Variants in SEC23IP observed in about 807,000 individuals in gnomAD.
SEC23IP encodes the protein SEC23 interacting protein, also known as SEC23-interacting protein.
In SEC23IP, 70 loss-of-function variants were observed where a neutral mutation model predicts 113.4. The ratio of observed to expected loss-of-function variants is 0.62; its 90% confidence interval spans 0.51 to 0.75. The LOEUF (loss-of-function observed/expected upper bound fraction) is 0.75. SEC23IP is among the 30% of genes least tolerant of loss of function. The pLI, the probability that SEC23IP is intolerant of heterozygous loss-of-function variation, is 0.00. For synonymous variants in SEC23IP, 398 were observed against 421.0 expected, an observed-to-expected ratio of 0.95 and a Z score of 0.67; for missense variants, 1,160 against 1,204.9, an observed-to-expected ratio of 0.96 and a Z score of 0.55.
At chr10:119,940,106 G>A (rs1855917002) in intron 18 of SEC23IP, among the ~76,000 whole-genome samples, 1 of 152,104 alleles carries the variant, frequency 6.6e-6, no homozygotes, top group African/African-American at 2.4e-5. Context: ...CCCTTTGGAA[G>A]GCCTGAGGAC....
intron 4 of SEC23IP, 64 bp downstream of exon 4, chr10:119,904,341 G>C (rs762388064): frequency 7.3e-7 from 1 of 1,373,174 alleles, no homozygotes. Context: ...ACATTGGTGA[G>C]TAACATCATT....
chr10:119,898,883 C>T lies in SEC23IP; in HGVS notation c.620C>T (p.Pro207Leu). ...APPQLQQCQT[P>L]GPPAHPPPSG... ...CCCCAGCTGCAGCAGTGCCAAACAC[C>T]AGGCCCTCCTGCTCATCCTCCACCT... Residue 207 changes from proline to leucine, a missense_variant, in exon 2 of 19, where the codon CCA becomes CTA. By Grantham distance (98) the Pro-to-Leu change is moderately conservative. Coordinates refer to ENST00000369075, the MANE Select transcript of SEC23IP (RefSeq NM_007190.4). The T allele has an allele frequency of 6.2e-7, 1 of 1,607,516 alleles. No individual in the cohort carries two copies. The highest frequency in any genetic ancestry group is 8.5e-7 in the Non-Finnish European group (1 of 1,179,944).
At chr10:119,923,616 T>C (rs1176367998) in intron 12 of SEC23IP, among the ~76,000 whole-genome samples, 1 of 150,274 alleles carries the variant, frequency 6.7e-6, no homozygotes, top group African/African-American at 2.4e-5. Flanking sequence ...TGGCACGATC[T>C]CGGCTCACTG....
intron 18 of SEC23IP, among the ~76,000 whole-genome samples, chr10:119,935,956 A>G (rs906900402): frequency 2.0e-5 from 3 of 152,212 alleles, no homozygotes; most frequent in African/African-American, 7.2e-5. Flanking sequence ...TAGGTATTCC[A>G]TTGACTATTG....
intron 1 of SEC23IP, among the ~76,000 whole-genome samples, chr10:119,897,385 A>C (rs1463872293): frequency 6.6e-6 from 1 of 152,232 alleles, no homozygotes; most frequent in Non-Finnish European, 1.5e-5. Flanking sequence ...ACCCACAGTG[A>C]ACATCAAGTT....
chr10:119,899,547 A>C (rs900213548), intron 2 of SEC23IP, among the ~76,000 whole-genome samples: 1 of 152,232 alleles, frequency 6.6e-6, no homozygotes, highest in Non-Finnish European at 1.5e-5. Context: ...ATTAAAAAGA[A>C]TTAAGAACCC....
chr10:119,906,966 GT>G lies in SEC23IP; in HGVS notation c.1102-2061del, dbSNP rs575382708. Among the ~76,000 whole-genome samples, 775 of 143,502 alleles carry G rather than the reference GT, an allele frequency of 5.4e-3. 4 individuals carry two copies. The highest frequency in any genetic ancestry group is 0.016 in the African/African-American group (635 of 39,466). 94.1% of individuals were successfully genotyped at this position (143,502 alleles called of 152,430 possible). ...TTAGAAATTATGAATTATATTTGAAGTTTTTTTTTTTTTTAAATCGAAGAGG... is the reference window on the plus strand; with the variant it reads ...TTAGAAATTATGAATTATATTTGAAGTTTTTTTTTTTTTAAATCGAAGAGG... On this transcript the variant is annotated intron_variant, in intron 4 of 18. Coordinates refer to ENST00000369075, the MANE Select transcript of SEC23IP (RefSeq NM_007190.4).
Position 119,898,780 on chromosome 10 carries a change from C to A in SEC23IP, c.517C>A (p.Gln173Lys). Reference protein sequence around the residue: ...LPPSYFGNQPQGIPQPGYNPY... With the variant: ...LPPSYFGNQPKGIPQPGYNPY... Reference sequence around the variant, plus strand: ...TCCTTCATATTTTGGGAACCAACCCCAAGGAATTCCCCAACCAGGATACAA... The same window carrying A: ...TCCTTCATATTTTGGGAACCAACCCAAAGGAATTCCCCAACCAGGATACAA... The change falls in exon 2 of 19, where the codon CAA (glutamine) becomes AAA (lysine). Residue 173 changes from glutamine to lysine, a missense_variant. Gln to Lys is a moderately conservative substitution (Grantham distance 53). Transcript: ENST00000369075. 1 of 1,614,172 alleles carries A rather than the reference C, an allele frequency of 6.2e-7. No individual in the cohort carries two copies. The highest frequency in any genetic ancestry group is 8.5e-7 in the Non-Finnish European group (1 of 1,180,032).
intron 12 of SEC23IP, among the ~76,000 whole-genome samples, chr10:119,923,566 T>G (rs1172555820): frequency 2.6e-5 from 4 of 152,028 alleles, no homozygotes; most frequent in Admixed American, 2.6e-4. Flanking sequence ...TTTTTTTTTT[T>G]GAAAGGGAGT....
intron 12 of SEC23IP, among the ~76,000 whole-genome samples, 174 bp from the exon 13 acceptor site, chr10:119,925,862 C>T (rs567054725): frequency 5.9e-5 from 9 of 152,242 alleles, no homozygotes; most frequent in Admixed American, 2.6e-4. Flanking sequence ...TTTAAATTAG[C>T]TGAAGCAAAA....
Position 119,900,385 on chromosome 10 carries a change from C to G in SEC23IP, c.696+1426C>G, listed in dbSNP as rs866773636. ...AGTGCAGTGGCATGGTAACGGCTCA[C>G]TGTAGCCTCGAATTCTCAGGTTCAA... is the stretch of plus-strand genomic sequence containing the variant. On this transcript the variant is annotated intron_variant, in intron 2 of 18. Transcript: ENST00000369075. Among the ~76,000 whole-genome samples, 60 of 151,864 alleles carry G rather than the reference C, an allele frequency of 4.0e-4. No individual in the cohort carries two copies. In the Middle Eastern group the frequency reaches 0.01, roughly 26 times the overall value.
intron 2 of SEC23IP, among the ~76,000 whole-genome samples, chr10:119,899,324 TCAA>T (rs1854400587): frequency 1.3e-5 from 2 of 152,184 alleles, no homozygotes; most frequent in South Asian, 4.1e-4. Flanking sequence ...CACTAGTCAA[TCAA>T]AACACTCAAT....
At chr10:119,903,506 A>G (rs1345981145) in intron 3 of SEC23IP, among the ~76,000 whole-genome samples, 1 of 152,186 alleles carries the variant, frequency 6.6e-6, no homozygotes, top group African/African-American at 2.4e-5. Flanking sequence ...ATATTATTAT[A>G]TCACTGTATT....
chr10:119,894,542 G>A (rs990545645), intron 1 of SEC23IP, among the ~76,000 whole-genome samples: 2 of 152,182 alleles, frequency 1.3e-5, no homozygotes, highest in Non-Finnish European at 2.9e-5. Flanking sequence ...AATGGTGTGT[G>A]GTATTTAGTA....
At chr10:119,925,002 C>T (rs2134511380) in intron 12 of SEC23IP, among the ~76,000 whole-genome samples, 1 of 152,100 alleles carries the variant, frequency 6.6e-6, no homozygotes, top group South Asian at 2.1e-4. Context: ...GTCTTGAACC[C>T]CTGAGCTCAA....
rs201437012 is a variant in SEC23IP at position 119,915,698 on chromosome 10, C to G, written c.1403-50C>G. The G allele has an allele frequency of 1.2e-4, 163 of 1,328,576 alleles. 2 individuals carry two copies. The East Asian group carries it at 4.2e-3, about 35-fold the overall frequency. The allele number at this position is 1,328,576 out of a possible 1,614,324, so 82.3% of individuals were successfully genotyped here. A position where few individuals can be genotyped will look rare whatever the true frequency, so the allele number is the denominator to read the frequency against. Reference sequence around the variant, plus strand: ...TTTGAGGTAACTGCTGACTAGCTATCAAGCTAGGAGAATTTAATTTATTTT... The same window carrying G: ...TTTGAGGTAACTGCTGACTAGCTATGAAGCTAGGAGAATTTAATTTATTTT... On this transcript the variant is annotated intron_variant, in intron 7 of 18. Transcript: ENST00000369075.
intron 13 of SEC23IP, among the ~76,000 whole-genome samples, chr10:119,928,043 A>G (rs1489543343): frequency 1.3e-5 from 2 of 152,160 alleles, no homozygotes; most frequent in African/African-American, 2.4e-5. Flanking sequence ...GCTATTGTAA[A>G]GAATTAATTT....
chr10:119,938,057 G>A (rs948693536), intron 18 of SEC23IP, among the ~76,000 whole-genome samples: 9 of 151,240 alleles, frequency 6.0e-5, no homozygotes, highest in Non-Finnish European at 1.3e-4. Flanking sequence ...TAATCCCAGC[G>A]CTGTGGGAGG....
chr10:119,922,499 AAATTTT>A (rs1331706146), intron 12 of SEC23IP, among the ~76,000 whole-genome samples: 1 of 152,186 alleles, frequency 6.6e-6, no homozygotes, highest in Non-Finnish European at 1.5e-5. Context: ...TGTGTAGTCT[AAATTTT>A]AATTTTAACT....
Sources: gnomAD v4.1 joint callset for allele counts (sites outside exome capture counted in the v4.1 genomes callset) on GRCh38, gnomAD v4.1.1 for gene constraint, MANE v1.5 for transcripts, NCBI Gene and HGNC (gene_info 2026-07-23, HGNC 2026-07-21) for gene names.